KDM4C: variants seen among roughly 807,000 people sequenced by gnomAD.
KDM4C encodes the protein lysine-specific demethylase 4C.
A neutral mutation model predicts 129.3 loss-of-function variants in KDM4C; 81 were observed. The ratio of observed to expected loss-of-function variants is 0.63; its 90% CI spans 0.52 to 0.75. The LOEUF is 0.75. Ranked by LOEUF, KDM4C falls within the 30% of genes least tolerant of loss-of-function variation. KDM4C has a pLI of 0.00. For synonymous variants in KDM4C, 573 were observed against 456.1 expected, an observed-to-expected ratio of 1.26 and a Z score of -3.26; for missense variants, 1,457 against 1,304.0, an observed-to-expected ratio of 1.12 and a Z score of -1.81.
chr9:6,778,008 A>G (rs1588197332), intron 1 of KDM4C, among the ~76,000 whole-genome samples: 1 of 148,444 alleles, frequency 6.7e-6, no homozygotes, highest in Non-Finnish European at 1.5e-5. Context: ...GCAGCCTTGA[A>G]CTCTTGGACT....
chr9:6,915,247 T>C (rs1000585606), intron 8 of KDM4C, among the ~76,000 whole-genome samples: 2 of 152,234 alleles, frequency 1.3e-5, no homozygotes, highest in Admixed American at 6.5e-5. Flanking sequence ...TTCTACTGTT[T>C]AGGTTTTACA....
chr9:6,867,174 C>T (rs952657368), intron 5 of KDM4C, among the ~76,000 whole-genome samples: 11 of 151,794 alleles, frequency 7.2e-5, no homozygotes, highest in African/African-American at 2.7e-4. Context: ...CACCTACACA[C>T]CCAGCTAATT....
chr9:6,773,928 T>C (rs1822446489), intron 1 of KDM4C, among the ~76,000 whole-genome samples: 1 of 151,970 alleles, frequency 6.6e-6, no homozygotes. Context: ...ATTTTTATTA[T>C]TTATTTGTTT....
rs149099431 is a variant in KDM4C at position 6,893,305 on chromosome 9, CT to C, written c.921+74del. The C allele has an allele frequency of 1.1e-3, 1,370 of 1,241,824 alleles. 14 individuals carry two copies. The African/African-American group carries it at 0.018, about 17-fold the overall frequency. The allele number at this position is 1,241,824 out of a possible 1,614,324, so 76.9% of individuals were successfully genotyped here. A position where few individuals can be genotyped will look rare whatever the true frequency, so the allele number is the denominator to read the frequency against. On this transcript the variant is annotated intron_variant, in intron 8 of 21. Transcript: ENST00000381309. ...TTATTTTAGTAGGAACCCTACGATC[CT>C]GTGCAGCATTTATTTATTCTTCCTC...
In KDM4C at chr9:6,834,892, C is replaced by A. The variant is rs531554790; in HGVS notation, c.436-14615C>A. 175 of 1,267,732 alleles carry A rather than the reference C, an allele frequency of 1.4e-4. 1 individual carries two copies. In the African/African-American group the frequency reaches 2.1e-3, roughly 15 times the overall value. 78.5% of individuals were successfully genotyped at this position (1,267,732 alleles called of 1,614,324 possible). ...CCGTGCTGTCCCTGTACTTCTTTGG[C>A]TGTACCACTGGTACCGTGATGGACT... On this transcript the variant is annotated intron_variant, in intron 4 of 21. Coordinates refer to ENST00000381309, the MANE Select transcript of KDM4C (RefSeq NM_015061.6).
At chr9:7,172,592 A>G (rs1436353718) in intron 21 of KDM4C, among the ~76,000 whole-genome samples, 1 of 152,200 alleles carries the variant, frequency 6.6e-6, no homozygotes, top group African/African-American at 2.4e-5. Context: ...CCAGCCCATA[A>G]TGATTTAGTT....
intron 1 of KDM4C, among the ~76,000 whole-genome samples, chr9:6,785,382 G>C (rs982411755): frequency 3.3e-5 from 5 of 151,660 alleles, no homozygotes; most frequent in Admixed American, 1.3e-4. Context: ...TGTCACACAG[G>C]CTGGAGTGCA....
At chr9:7,006,693 T>C (rs1821735389) in intron 12 of KDM4C, among the ~76,000 whole-genome samples, 2 of 152,178 alleles carry the variant, frequency 1.3e-5, no homozygotes, top group Non-Finnish European at 2.9e-5. Flanking sequence ...TATTTTTGTT[T>C]TAACTCATAT....
chr9:6,990,498 T>G lies in KDM4C; in HGVS notation c.1760T>G (p.Val587Gly). 6.2e-7 allele frequency: 1 copy of G among 1,612,760 alleles called. No homozygotes were observed. The highest frequency in any genetic ancestry group is 8.5e-7 in the Non-Finnish European group (1 of 1,179,598). The change falls in exon 12 of 22, where the codon GTG (valine) becomes GGG (glycine). Residue 587 changes from valine (V) to glycine (G), a missense_variant. Coordinates refer to ENST00000381309, the MANE Select transcript of KDM4C (RefSeq NM_015061.6). ...RPPARSPMTL[V>G]KQQAPSDEEL... ...CCAGCAAGATCTCCGATGACTCTTG[T>G]GAAGCAGCAGGCGCCAAGTGATGAA... is the stretch of plus-strand genomic sequence containing the variant.
At chr9:6,872,771 G>A (rs1449680018) in intron 5 of KDM4C, among the ~76,000 whole-genome samples, 1 of 152,028 alleles carries the variant, frequency 6.6e-6, no homozygotes, top group African/African-American at 2.4e-5. Flanking sequence ...GTCTTTGCAC[G>A]TGAGATGAGT....
chr9:7,017,482 A>AAAT lies in KDM4C; in HGVS notation c.2259+1569_2259+1571dup, dbSNP rs553906722. Among the ~76,000 whole-genome samples, 960 of 152,188 alleles carry AAAT rather than the reference A, an allele frequency of 6.3e-3. 13 individuals carry two copies. The highest frequency in any genetic ancestry group is 0.02 in the African/African-American group (843 of 41,510). The stretch of plus-strand genomic sequence containing the variant: ...TGCAGATTTTTTTGGGGGCAGAAGA[A>AAAT]AATAATAATAATAATAATGTTATAA... On this transcript the variant is annotated intron_variant, in intron 15 of 21. Transcript: ENST00000381309.
At chr9:6,917,153 A>G (rs990155319) in intron 8 of KDM4C, among the ~76,000 whole-genome samples, 1 of 152,148 alleles carries the variant, frequency 6.6e-6, no homozygotes, top group African/African-American at 2.4e-5. Flanking sequence ...TGTGGGAGAG[A>G]TGCTCAGGAA....
At chr9:7,133,678 T>A (rs1389389868) in intron 19 of KDM4C, among the ~76,000 whole-genome samples, 1 of 152,192 alleles carries the variant, frequency 6.6e-6, no homozygotes, top group African/African-American at 2.4e-5. Context: ...GAAGACGCTG[T>A]GCCTGCTCTA....
chr9:6,940,151 G>A (rs1825689317), intron 8 of KDM4C, among the ~76,000 whole-genome samples: 1 of 151,636 alleles, frequency 6.6e-6, no homozygotes, highest in African/African-American at 2.4e-5. Context: ...GAGTGCAGTG[G>A]TGCAGTATTG....
chr9:7,082,980 A>T (rs1166041743), intron 17 of KDM4C, among the ~76,000 whole-genome samples: 1 of 152,148 alleles, frequency 6.6e-6, no homozygotes, highest in Non-Finnish European at 1.5e-5. Context: ...GCAGGGATGG[A>T]CCTGCAGTTT....
At chr9:6,998,237 T>G (rs996585349) in intron 12 of KDM4C, among the ~76,000 whole-genome samples, 23 of 152,222 alleles carry the variant, frequency 1.5e-4, no homozygotes, top group Non-Finnish European at 2.6e-4. Context: ...AGTAATTTAT[T>G]TCTTGGGACG....
At chr9:6,874,589 G>A (rs926168804) in intron 5 of KDM4C, among the ~76,000 whole-genome samples, 4 of 152,106 alleles carry the variant, frequency 2.6e-5, no homozygotes, top group African/African-American at 9.7e-5. Context: ...TGTGGCAGCT[G>A]CTACAATTCA....
At chr9:7,083,330 A>G (rs1834749907) in intron 17 of KDM4C, among the ~76,000 whole-genome samples, 1 of 152,204 alleles carries the variant, frequency 6.6e-6, no homozygotes, top group African/African-American at 2.4e-5. Context: ...AAAAATTTCA[A>G]ACTTTGGAAC....
chr9:6,824,389 A>T (rs2131253279), intron 4 of KDM4C, among the ~76,000 whole-genome samples: 1 of 152,310 alleles, frequency 6.6e-6, no homozygotes, highest in Non-Finnish European at 1.5e-5. Flanking sequence ...GTCTAGTTAC[A>T]GCAAGAGGCT....
Sources: gnomAD v4.1 joint callset for allele counts (sites outside exome capture counted in the v4.1 genomes callset) on GRCh38, gnomAD v4.1.1 for gene constraint, MANE v1.5 for transcripts, NCBI Gene and HGNC (gene_info 2026-07-23, HGNC 2026-07-21) for gene names.